The following ATAD1 variants were observed in gnomAD, a reference collection of about 807,000 sequenced individuals.
The protein encoded by ATAD1 is outer mitochondrial transmembrane helix translocase.
Under a neutral mutation model 42.7 loss-of-function variants are expected in ATAD1, and 18 were observed. That is an observed-to-expected ratio of 0.42 (90% CI 0.29 to 0.63). ATAD1 has a LOEUF of 0.63. ATAD1 is among the 20% of genes least tolerant of loss of function. ATAD1 has a pLI of 0.19. For synonymous variants in ATAD1, 132 were observed against 143.1 expected, an observed-to-expected ratio of 0.92 and a Z score of 0.55; for missense variants, 294 against 440.4, an observed-to-expected ratio of 0.67 and a Z score of 2.98.
chr10:87,798,096 A>G (rs1012059312), intron 2 of ATAD1, among the ~76,000 whole-genome samples: 3 of 152,164 alleles, frequency 2.0e-5, no homozygotes, highest in Non-Finnish European at 4.4e-5. Context: ...GGAAACACAC[A>G]TAAGTCCTGA....
intron 2 of ATAD1, among the ~76,000 whole-genome samples, chr10:87,797,369 T>G (rs1341320833): frequency 6.6e-6 from 1 of 152,228 alleles, no homozygotes; most frequent in African/African-American, 2.4e-5. Flanking sequence ...TTTCTGTGTT[T>G]GCTTACTGTC....
intron 6 of ATAD1, among the ~76,000 whole-genome samples, chr10:87,774,992 C>G (rs1432443322): frequency 6.6e-6 from 1 of 151,764 alleles, no homozygotes; most frequent in Non-Finnish European, 1.5e-5. Flanking sequence ...AAATAAGGTC[C>G]TACATATATC....
chr10:87,760,994 T>C (rs1191459190), intron 8 of ATAD1, among the ~76,000 whole-genome samples: 1 of 151,660 alleles, frequency 6.6e-6, no homozygotes, highest in Non-Finnish European at 1.5e-5. Context: ...TGTAAAAGAG[T>C]AGAACACAGT....
chr10:87,792,310 C>T (rs141407241), intron 3 of ATAD1, among the ~76,000 whole-genome samples: 1 of 152,132 alleles, frequency 6.6e-6, no homozygotes, highest in African/African-American at 2.4e-5. Flanking sequence ...TATAACCAGC[C>T]CCCAATAAAT....
chr10:87,779,833 GAGA>G lies in ATAD1; in HGVS notation c.584-3409_584-3407del, dbSNP rs769847458. ...CCAAAATTAATAAAACCAAATGCTAGAGAAGATGTATACCAATAGGAACCTCAG... is the reference window on the plus strand; with the variant it reads ...CCAAAATTAATAAAACCAAATGCTAGAGATGTATACCAATAGGAACCTCAG... On this transcript the variant is annotated intron_variant, in intron 5 of 9. Coordinates refer to ENST00000680024, the MANE Select transcript of ATAD1 (RefSeq NM_001321967.2). 1.9e-3 allele frequency among the ~76,000 whole-genome samples: 291 copies of G among 152,270 alleles called. 7 individuals are homozygous for G. The highest frequency in any genetic ancestry group is 6.5e-4 in the Non-Finnish European group (44 of 68,016).
At chr10:87,788,345 G>A (rs1855933645) in intron 4 of ATAD1, among the ~76,000 whole-genome samples, 1 of 152,090 alleles carries the variant, frequency 6.6e-6, no homozygotes. Context: ...AACAAACAAG[G>A]ATGCATCTGA....
intron 4 of ATAD1, among the ~76,000 whole-genome samples, chr10:87,786,719 G>A (rs1381533062): frequency 2.0e-5 from 3 of 152,168 alleles, no homozygotes; most frequent in Non-Finnish European, 4.4e-5. Flanking sequence ...CACTTTGGGA[G>A]GGCGAGGTGG....
At chr10:87,797,798 G>A (rs914693084) in intron 2 of ATAD1, among the ~76,000 whole-genome samples, 3 of 152,174 alleles carry the variant, frequency 2.0e-5, no homozygotes, top group African/African-American at 7.2e-5. Flanking sequence ...CTACTTCAGA[G>A]ATGCATTCTA....
intron 7 of ATAD1, among the ~76,000 whole-genome samples, chr10:87,769,323 T>A (rs1854918902): frequency 6.6e-6 from 1 of 152,162 alleles, no homozygotes; most frequent in Non-Finnish European, 1.5e-5. Flanking sequence ...CAAACTACCC[T>A]CAGAACTCAC....
At chr10:87,762,993 A>T in intron 8 of ATAD1, among the ~76,000 whole-genome samples, 1 of 143,358 alleles carries the variant, frequency 7.0e-6, no homozygotes, top group Admixed American at 7.2e-5. Context: ...AGGCAGGAGA[A>T]TCGCTTGAAC....
rs1012782820 is a variant in ATAD1, at chr10:87,765,478, C to G, written c.831+2195G>C. Among the ~76,000 whole-genome samples the G allele has an allele frequency of 4.9e-5, 5 of 103,048 alleles. No homozygotes were observed. The East Asian group carries it at 1.4e-3, about 28-fold the overall frequency. The allele number at this position is 103,048 out of a possible 152,430, so 67.6% of individuals were successfully genotyped here. A position where few individuals can be genotyped will look rare whatever the true frequency, so the allele number is the denominator to read the frequency against. On this transcript the variant is annotated intron_variant, in intron 8 of 9. Transcript: ENST00000680024. ...TAAATTTATATTCAAAATCCAGAAG[C>G]CATAGGGGGGGTGGGTGGGGGGGAA...
intron 2 of ATAD1, among the ~76,000 whole-genome samples, chr10:87,813,373 T>C (rs149982258): frequency 4.0e-5 from 6 of 151,674 alleles, no homozygotes; most frequent in East Asian, 1.9e-4. Context: ...TTTTTAAATC[T>C]ACCCTGGTCA....
intron 2 of ATAD1, among the ~76,000 whole-genome samples, chr10:87,807,607 T>C (rs1274654680): frequency 6.6e-6 from 1 of 152,194 alleles, no homozygotes; most frequent in Non-Finnish European, 1.5e-5. Flanking sequence ...TGTGTCTATT[T>C]AAGTTTCTTT....
At chr10:87,823,317 AC>A (rs1161431291) in intron 1 of ATAD1, among the ~76,000 whole-genome samples, 3 of 152,190 alleles carry the variant, frequency 2.0e-5, no homozygotes, top group Non-Finnish European at 4.4e-5. Context: ...AAAAACTTCT[AC>A]CAAAAAATGT....
chr10:87,760,416 C>T (rs749225762), intron 8 of ATAD1, among the ~76,000 whole-genome samples: 3 of 152,314 alleles, frequency 2.0e-5, no homozygotes, highest in Non-Finnish European at 2.9e-5. Flanking sequence ...GCTTCCCCTT[C>T]GCCTTTGACC....
At position 87,752,571 on chromosome 10, in the gene ATAD1, A is replaced by G. The variant is rs184725372; in HGVS notation, c.*2116T>C. 6.6e-6 allele frequency: 1 copy of G among 152,264 alleles called. No individual in the cohort carries two copies. The highest frequency in any genetic ancestry group is 1.9e-4 in the East Asian group (1 of 5,190). The allele number at this position is 152,264 out of a possible 1,614,324, so 9.4% of individuals were successfully genotyped here. A position where few individuals can be genotyped will look rare whatever the true frequency, so the allele number is the denominator to read the frequency against. On this transcript the variant is annotated 3_prime_UTR_variant, in exon 10 of 10. Transcript: ENST00000680024. The stretch of plus-strand genomic sequence containing the variant: ...CACAGTTAATGGGGAGCCTGAGTTT[A>G]AATTCAGGAAGCCTGATTCTAGATC...
chr10:87,823,954 A>T (rs968049657), intron 1 of ATAD1, among the ~76,000 whole-genome samples: 1 of 152,222 alleles, frequency 6.6e-6, no homozygotes, highest in African/African-American at 2.4e-5. Flanking sequence ...AATGAACAAG[A>T]ATAATTTGAG....
At chr10:87,756,548 C>G (rs1196295632) in intron 9 of ATAD1, among the ~76,000 whole-genome samples, 1 of 152,188 alleles carries the variant, frequency 6.6e-6, no homozygotes, top group Non-Finnish European at 1.5e-5. Context: ...TTCCACGGAT[C>G]ATCAGAAGAA....
intron 1 of ATAD1, among the ~76,000 whole-genome samples, chr10:87,831,937 A>T (rs1482268517): frequency 6.6e-6 from 1 of 152,164 alleles, no homozygotes; most frequent in Non-Finnish European, 1.5e-5. Flanking sequence ...TGAGGCACAG[A>T]GAAGTTAAGT....
Sources: allele counts gnomAD v4.1 joint callset (sites outside exome capture counted in the v4.1 genomes callset), GRCh38; gene constraint gnomAD v4.1.1; transcripts MANE v1.5; gene names NCBI Gene and HGNC (gene_info 2026-07-23, HGNC 2026-07-21).